The following PODXL variants were observed in gnomAD, a reference collection of about 807,000 sequenced individuals.
PODXL encodes podocalyxin.
A neutral mutation model predicts 48.9 loss-of-function variants in PODXL; 20 were observed. The observed-to-expected ratio is 0.41, with a 90% CI of 0.29 to 0.59. The LOEUF is 0.59. Ranked by LOEUF, PODXL falls within the 20% of genes least tolerant of loss-of-function variation. The pLI is 0.31. For missense variants in PODXL, 606 were observed against 675.1 expected (o/e 0.90, Z 1.13); for synonymous variants, 295 against 287.4 (o/e 1.03, Z -0.27).
chr7:131,554,979 T>TC (rs1338438208), intron 1 of PODXL, among the ~76,000 whole-genome samples: 3 of 151,834 alleles, frequency 2.0e-5, no homozygotes, highest in South Asian at 2.1e-4. Flanking sequence ...CACACATTCT[T>TC]CCCCCCGCCG....
rs1309464071 is a variant in PODXL, at chr7:131,501,446, C to CT, written c.*2864dup. ...AAGCTCAAGAAGTGGTTTAAATAAA[C>CT]TTTCTGCTAGCTTTCCTTATCAAGC... On this transcript the variant is annotated 3_prime_UTR_variant, in exon 9 of 9. Transcript: ENST00000378555. 1 of 152,604 alleles carries CT rather than the reference C, an allele frequency of 6.6e-6. No individual in the cohort carries two copies. The highest frequency in any genetic ancestry group is 1.5e-5 in the Non-Finnish European group (1 of 68,016). 9.5% of individuals were successfully genotyped at this position (152,604 alleles called of 1,614,324 possible).
At chr7:131,530,923 T>C (rs1798269781) in intron 1 of PODXL, among the ~76,000 whole-genome samples, 1 of 151,990 alleles carries the variant, frequency 6.6e-6, no homozygotes, top group Non-Finnish European at 1.5e-5. Context: ...CTGGGCGTGG[T>C]GGCACATGCC....
chr7:131,540,008 C>G (rs1242240270), intron 1 of PODXL, among the ~76,000 whole-genome samples: 4 of 152,142 alleles, frequency 2.6e-5, no homozygotes, highest in Admixed American at 1.3e-4. Flanking sequence ...ATTTGTGTCT[C>G]CAGCACCCTC....
intron 1 of PODXL, among the ~76,000 whole-genome samples, chr7:131,533,948 A>G (rs571440410): frequency 6.6e-6 from 1 of 152,268 alleles, no homozygotes; most frequent in Non-Finnish European, 1.5e-5. Context: ...AACAAACTCT[A>G]TACCTTTGAG....
chr7:131,531,448 G>C (rs1798278986), intron 1 of PODXL, among the ~76,000 whole-genome samples: 1 of 152,186 alleles, frequency 6.6e-6, no homozygotes, highest in African/African-American at 2.4e-5. Flanking sequence ...TCGCCAACCA[G>C]TGTCGGCTCT....
rs1797916708 is a variant in PODXL at position 131,511,647 on chromosome 7, G to A, written c.101-214C>T. ...TCTTCTTCCTTTTTGTGGAGAATGG[G>A]GTCTTGCTATATTGCCCAGGCAGGT... On this transcript the variant is annotated intron_variant, in intron 1 of 8. Transcript: ENST00000378555. 3.3e-5 allele frequency among the ~76,000 whole-genome samples: 5 copies of A among 151,890 alleles called. No individual in the cohort carries two copies. The South Asian group carries it at 1.0e-3, about 32-fold the overall frequency.
chr7:131,528,166 G>A (rs1798216921), intron 1 of PODXL, among the ~76,000 whole-genome samples: 1 of 152,136 alleles, frequency 6.6e-6, no homozygotes, highest in African/African-American at 2.4e-5. Flanking sequence ...AAAGTGCTGG[G>A]ATTTCAGGCG....
At chr7:131,537,228 C>T (rs114517297) in intron 1 of PODXL, among the ~76,000 whole-genome samples, 4,229 of 151,996 alleles carry the variant, frequency 0.028, 182 homozygotes, top group African/African-American at 0.096. Flanking sequence ...GGGAGAATTG[C>T]GTGAGCCCAG....
intron 1 of PODXL, among the ~76,000 whole-genome samples, chr7:131,551,506 G>A (rs182695375): frequency 1.3e-5 from 2 of 152,348 alleles, no homozygotes; most frequent in East Asian, 3.9e-4. Flanking sequence ...AGCAAAGCTT[G>A]CATTCAGCAG....
chr7:131,506,387 C>T lies in PODXL; in HGVS notation c.1250-66G>A, dbSNP rs542697601. ...GCGAGGCAGTGGGGGACGGGGACTG[C>T]GCCCCAAGAGAGGGACGCACCGTAT... On this transcript the variant is annotated intron_variant, in intron 6 of 8. Transcript: ENST00000378555. 4.2e-5 allele frequency: 65 copies of T among 1,546,472 alleles called. 2 individuals carry two copies. The highest frequency in any genetic ancestry group is 1.0e-4 in the Admixed American group (6 of 59,942).
At chr7:131,537,826 A>C (rs1798403754) in intron 1 of PODXL, among the ~76,000 whole-genome samples, 1 of 151,376 alleles carries the variant, frequency 6.6e-6, no homozygotes, top group African/African-American at 2.4e-5. Flanking sequence ...CACCGTCGTG[A>C]CTCTTGGGTC....
At chr7:131,515,399 A>G (rs1488550827) in intron 1 of PODXL, among the ~76,000 whole-genome samples, 1 of 151,966 alleles carries the variant, frequency 6.6e-6, no homozygotes, top group Non-Finnish European at 1.5e-5. Flanking sequence ...TGAAAATAGG[A>G]CCTAGAGAAT....
intron 1 of PODXL, among the ~76,000 whole-genome samples, chr7:131,528,138 T>C (rs1239731727): frequency 6.6e-6 from 1 of 151,866 alleles, no homozygotes; most frequent in African/African-American, 2.4e-5. Context: ...TCAAGTGATC[T>C]ACCTGCCTCA....
rs1451540335 is a variant in PODXL at position 131,532,443 on chromosome 7, A to T, written c.101-21010T>A. Among the ~76,000 whole-genome samples, 293 of 149,084 alleles carry T rather than the reference A, an allele frequency of 2.0e-3. 4 individuals are homozygous for T. Among genetic ancestry groups the T allele is most frequent in the Middle Eastern group, 0.01 (3 of 286 alleles). ...AAAGCAAGACTCCGTCTCAAAAAAA[A>T]AAAAAAAATTAAAAATAAATAATAA... On this transcript the variant is annotated intron_variant, in intron 1 of 8. Transcript: ENST00000378555.
intron 1 of PODXL, among the ~76,000 whole-genome samples, chr7:131,532,449 AAAT>A (rs1562913023): frequency 3.5e-5 from 5 of 144,476 alleles, no homozygotes; most frequent in Middle Eastern, 3.5e-3. Flanking sequence ...AAAAAAAAAA[AAAT>A]TAAAAATAAA....
intron 8 of PODXL, 53 bp from the exon 9 acceptor site, chr7:131,504,561 T>G: frequency 6.8e-7 from 1 of 1,470,772 alleles, no homozygotes; most frequent in Non-Finnish European, 9.5e-7. Context: ...GCTCTGAGCT[T>G]AATACAGCGC....
At position 131,502,008 on chromosome 7, in the gene PODXL, C is replaced by G. The variant is rs1797712184; in HGVS notation, c.*2303G>C. 6.6e-6 allele frequency: 1 copy of G among 152,248 alleles called. No homozygotes were observed. Among genetic ancestry groups the G allele is most frequent in the African/African-American group, 2.4e-5 (1 of 41,456 alleles). The allele number at this position is 152,248 out of a possible 1,614,324, so 9.4% of individuals were successfully genotyped here. On this transcript the variant is annotated 3_prime_UTR_variant, in exon 9 of 9. Coordinates refer to ENST00000378555, the MANE Select transcript of PODXL (RefSeq NM_001018111.3). ...GAGAGTCAGGAGAGTCAGGACCGAC[C>G]TGGCCAGGCACTCCTGCTCTCTAGT...
rs1417472644 is a variant in PODXL, at chr7:131,510,331, A to G, written c.707T>C (p.Leu236Pro). Residue 236 changes from leucine to proline, a missense_variant and splice_region_variant, in exon 3 of 9, where the codon CTA (leucine) becomes CCA (proline). Leu to Pro is a moderately conservative substitution (Grantham distance 98). Transcript: ENST00000378555. ...FTSPGMTTTL[L>P]ETVFHHVSQA... ...GCTGACATGGTGAAACACTGTCTCT[A>G]CTTGAAAAAAAAAAAAAAAAAAAAA... The G allele has an allele frequency of 1.6e-5, 2 of 127,392 alleles. No homozygotes were observed. Among genetic ancestry groups the G allele is most frequent in the African/African-American group, 5.6e-5 (1 of 17,946 alleles). The allele number at this position is 127,392 out of a possible 1,614,324, so 7.9% of individuals were successfully genotyped here.
rs181214185 is a variant in PODXL, at chr7:131,522,625, C to T, written c.101-11192G>A. ...ACAAATTGTGAAGCCCAGCCTAACT[C>T]GTGCCTTGATTAACATAAACCTTCG... is the stretch of plus-strand genomic sequence containing the variant. On this transcript the variant is annotated intron_variant, in intron 1 of 8. Transcript: ENST00000378555. 3.0e-3 allele frequency among the ~76,000 whole-genome samples: 457 copies of T among 151,288 alleles called. 2 individuals are homozygous for T. Among genetic ancestry groups the T allele is most frequent in the African/African-American group, 0.011 (436 of 41,342 alleles).
Sources: gnomAD v4.1 joint callset for allele counts (sites outside exome capture counted in the v4.1 genomes callset) on GRCh38, gnomAD v4.1.1 for gene constraint, MANE v1.5 for transcripts, NCBI Gene and HGNC (gene_info 2026-07-23, HGNC 2026-07-21) for gene names.